Variants in IQGAP3 observed in about 807,000 individuals in gnomAD.
IQGAP3 encodes ras GTPase-activating-like protein IQGAP3.
In IQGAP3, 165 loss-of-function variants were observed where a neutral mutation model predicts 208.2. That is an observed-to-expected ratio of 0.79 (90% CI 0.70 to 0.90). The LOEUF is 0.90. Among genes scored for constraint, IQGAP3 ranks in the 40% least tolerant of loss-of-function variants. The pLI is 0.00. For synonymous variants in IQGAP3, 703 were observed against 803.6 expected, an observed-to-expected ratio of 0.87 and a Z score of 2.12; for missense variants, 1,811 against 2,043.1, an observed-to-expected ratio of 0.89 and a Z score of 2.19.
At position 156,535,485 on chromosome 1, in the gene IQGAP3, C is replaced by T. The variant is rs115731974; in HGVS notation, c.3423-238G>A. ...GTAGTCAGGACCAGGGCCCTATCAT[C>T]TACTAAATCTCTCACACAGCCTCCA... On this transcript the variant is annotated intron_variant, in intron 27 of 37. Coordinates refer to ENST00000361170, the MANE Select transcript of IQGAP3 (RefSeq NM_178229.5). Among the ~76,000 whole-genome samples the T allele has an allele frequency of 4.3e-3, 659 of 152,242 alleles. 3 individuals carry two copies. Among genetic ancestry groups the T allele is most frequent in the African/African-American group, 0.015 (627 of 41,536 alleles).
chr1:156,554,476 G>A, intron 12 of IQGAP3, 84 bp from the exon 13 acceptor site: 1 of 1,342,300 alleles, frequency 7.4e-7, no homozygotes, highest in Non-Finnish European at 1.0e-6. Flanking sequence ...CAAGGTTCTT[G>A]AATATCCCAG....
chr1:156,555,599 T>C (rs534747412), intron 12 of IQGAP3, among the ~76,000 whole-genome samples: 2 of 152,344 alleles, frequency 1.3e-5, no homozygotes, highest in East Asian at 3.9e-4. Flanking sequence ...GTTTACTTTC[T>C]TCTCTAAGGT....
intron 19 of IQGAP3, among the ~76,000 whole-genome samples, chr1:156,545,809 T>C (rs1457638238): frequency 6.6e-6 from 1 of 152,098 alleles, no homozygotes; most frequent in Non-Finnish European, 1.5e-5. Flanking sequence ...CTTCCTGTCT[T>C]TTAGGCCCCA....
At chr1:156,548,516 G>A (rs1557932997) in intron 17 of IQGAP3, 29 bp from the exon 18 acceptor site, 3 of 1,608,536 alleles carry the variant, frequency 1.9e-6, no homozygotes, top group Non-Finnish European at 2.6e-6. Context: ...AGCAGAAAAG[G>A]TTCAGAGCAG....
At chr1:156,566,722 C>T (rs1038175855) in intron 2 of IQGAP3, among the ~76,000 whole-genome samples, 176 bp from the exon 3 acceptor site, 15 of 152,168 alleles carry the variant, frequency 9.9e-5, no homozygotes, top group African/African-American at 3.4e-4. Context: ...CCCACCTTCT[C>T]CTAGGTTGCC....
In IQGAP3 at chr1:156,556,523, T is replaced by C; in HGVS notation, c.1290+10A>G. On this transcript the variant is annotated intron_variant, in intron 12 of 37. Coordinates refer to ENST00000361170, the MANE Select transcript of IQGAP3 (RefSeq NM_178229.5). ...GACTGCAGAGCTAGACCCACATTTC[T>C]GGGGCTTACCCCCTGCTGCTGCTGG... 1 of 1,614,016 alleles carries C rather than the reference T, an allele frequency of 6.2e-7. No individual in the cohort carries two copies. The highest frequency in any genetic ancestry group is 8.5e-7 in the Non-Finnish European group (1 of 1,179,968).
chr1:156,536,468 G>C (rs1014212149), intron 27 of IQGAP3, among the ~76,000 whole-genome samples: 9 of 152,166 alleles, frequency 5.9e-5, no homozygotes, highest in African/African-American at 2.2e-4. Flanking sequence ...CCGGAGTCTG[G>C]GGAGGGTAGG....
intron 16 of IQGAP3, among the ~76,000 whole-genome samples, chr1:156,550,043 A>T (rs1183246243): frequency 6.6e-6 from 1 of 152,170 alleles, no homozygotes; most frequent in Non-Finnish European, 1.5e-5. Context: ...CAGGTGAACT[A>T]TGGATTCTCA....
intron 11 of IQGAP3, among the ~76,000 whole-genome samples, chr1:156,560,060 A>C (rs899447127): frequency 9.9e-5 from 15 of 152,218 alleles, no homozygotes; most frequent in African/African-American, 3.6e-4. Flanking sequence ...AGCAACCTCT[A>C]AACCTGACAG....
chr1:156,563,477 A>G (rs1676256614), intron 7 of IQGAP3, 76 bp downstream of exon 7: 3 of 1,391,226 alleles, frequency 2.2e-6, no homozygotes, highest in Non-Finnish European at 3.0e-6. Context: ...GCCAGAACCC[A>G]TCCAATGGCT....
chr1:156,528,450 T>C, intron 36 of IQGAP3, 59 bp downstream of exon 36: 1 of 1,291,018 alleles, frequency 7.7e-7, no homozygotes, highest in Non-Finnish European at 1.1e-6. Context: ...AGCCCAGAGC[T>C]CCACCCCCAG....
At chr1:156,534,431 G>T in intron 29 of IQGAP3, 70 bp downstream of exon 29, 1 of 1,188,640 alleles carries the variant, frequency 8.4e-7, no homozygotes, top group East Asian at 2.4e-5. Flanking sequence ...ATGGATTCTG[G>T]AGGGGACAAG....
At chr1:156,569,045 GA>G (rs1676524194) in intron 2 of IQGAP3, among the ~76,000 whole-genome samples, 2 of 151,958 alleles carry the variant, frequency 1.3e-5, no homozygotes, top group Non-Finnish European at 2.9e-5. Context: ...TGTAAAAACA[GA>G]TTTTTTTTTT....
rs370914858 is a variant in IQGAP3, at chr1:156,537,160, G to C, written c.3422+21C>G. The C allele has an allele frequency of 3.2e-5, 51 of 1,608,542 alleles. No homozygotes were observed. In the African/African-American group the frequency reaches 6.5e-4, roughly 21 times the overall value. On this transcript the variant is annotated intron_variant, in intron 27 of 37. Transcript: ENST00000361170. ...CTCTTGAAATCCCATGCGTAGGCTG[G>C]GGTGGGGCTGTTGCACATACGGAAT...
At chr1:156,556,330 T>C (rs575830722) in intron 12 of IQGAP3, among the ~76,000 whole-genome samples, 1 of 152,340 alleles carries the variant, frequency 6.6e-6, no homozygotes, top group South Asian at 2.1e-4. Context: ...TTTTAAGGAT[T>C]AAATGAGTAT....
intron 32 of IQGAP3, among the ~76,000 whole-genome samples, chr1:156,532,113 G>A (rs780735659): frequency 3.9e-5 from 6 of 152,070 alleles, no homozygotes; most frequent in East Asian, 1.9e-4. Flanking sequence ...TAGGCTGGGC[G>A]CAGTGGCTCA....
At position 156,535,213 on chromosome 1, in the gene IQGAP3, C is replaced by T; in HGVS notation, c.3457G>A (p.Ala1153Thr). Residue 1153 changes from alanine to threonine, a missense_variant, in exon 28 of 38, where the codon GCA (alanine) becomes ACA (threonine). Transcript: ENST00000361170. Reference sequence around the variant, plus strand: ...TCAGGGAATTTCTCTGCCAGAGTTGCCTTCAGGACTTTGGCCACATATCGC... The same window carrying T: ...TCAGGGAATTTCTCTGCCAGAGTTGTCTTCAGGACTTTGGCCACATATCGC... ...GMRYVAKVLKATLAEKFPDAT... is the reference protein window; with the variant it reads ...GMRYVAKVLKTTLAEKFPDAT... The T allele has an allele frequency of 1.2e-6, 2 of 1,613,540 alleles. No homozygotes were observed. The highest frequency in any genetic ancestry group is 2.2e-5 in the East Asian group (1 of 44,850).
rs376268703 is a variant in IQGAP3, at chr1:156,526,778, A to G, written c.4783-179T>C. On this transcript the variant is annotated intron_variant, in intron 37 of 37. Transcript: ENST00000361170. Reference sequence around the variant, plus strand: ...AAACTGAGGCAAGAGAGGTACAGTGACTTGATCAAATGTCAACTCAAGCAG... The same window carrying G: ...AAACTGAGGCAAGAGAGGTACAGTGGCTTGATCAAATGTCAACTCAAGCAG... Among the ~76,000 whole-genome samples, 54 of 152,242 alleles carry G rather than the reference A, an allele frequency of 3.5e-4. No individual in the cohort carries two copies. The South Asian group carries it at 0.01, about 29-fold the overall frequency.
At position 156,556,651 on chromosome 1, in the gene IQGAP3, CT is replaced by C; in HGVS notation, c.1171del (p.Arg391GlufsTer7). On this transcript the variant is annotated frameshift_variant, in exon 12 of 38. Transcript: ENST00000361170. LOFTEE classifies it high-confidence loss of function. ...CTCCTTCACAGTGTCAGCCGCCACT[CT>C]CCTCCGGATGGCTTTGTTGATCCGC... The part of the protein sequence containing the change: ...VQRINKAIRR[R>X]VAADTVKELM... 1 of 1,607,892 alleles carries C rather than the reference CT, an allele frequency of 6.2e-7. No homozygotes were observed. The highest frequency in any genetic ancestry group is 1.3e-5 in the African/African-American group (1 of 74,976).
Sources: gnomAD v4.1 joint callset for allele counts (sites outside exome capture counted in the v4.1 genomes callset) on GRCh38, gnomAD v4.1.1 for gene constraint, MANE v1.5 for transcripts, NCBI Gene and HGNC (gene_info 2026-07-23, HGNC 2026-07-21) for gene names.